Variants in ST6GALNAC3 observed in about 807,000 individuals in gnomAD.
ST6GALNAC3 encodes the protein ST6 N-acetylgalactosaminide alpha-2,6-sialyltransferase 3, also known as alpha-N-acetylgalactosaminide alpha-2,6-sialyltransferase 3.
In ST6GALNAC3, 25 loss-of-function variants were observed where a neutral mutation model predicts 32.7. The ratio of observed to expected loss-of-function variants is 0.76; its 90% confidence interval spans 0.56 to 1.07. ST6GALNAC3 has a LOEUF of 1.07. Among genes scored for constraint, ST6GALNAC3 ranks in the 50% least tolerant of loss-of-function variants. The probability of loss-of-function intolerance (pLI) is 0.00; values close to 1 mark genes in which losing one functional copy is unlikely to be tolerated. For missense variants in ST6GALNAC3, 355 were observed against 382.4 expected, an observed-to-expected ratio of 0.93 and a Z score of 0.60; for synonymous variants, 129 against 133.1, an observed-to-expected ratio of 0.97 and a Z score of 0.21.
intron 3 of ST6GALNAC3, among the ~76,000 whole-genome samples, chr1:76,546,378 C>A (rs552065576): frequency 6.6e-6 from 1 of 152,104 alleles, no homozygotes; most frequent in Non-Finnish European, 1.5e-5. Context: ...AGATGAACCT[C>A]CTAATATGCT....
chr1:76,481,873 C>T (rs1457983976), intron 3 of ST6GALNAC3, among the ~76,000 whole-genome samples: 5 of 152,084 alleles, frequency 3.3e-5, no homozygotes, highest in Admixed American at 3.3e-4. Flanking sequence ...CATAATAGAA[C>T]TCCATACTCT....
At chr1:76,456,693 A>T (rs1269219042) in intron 3 of ST6GALNAC3, among the ~76,000 whole-genome samples, 1 of 152,148 alleles carries the variant, frequency 6.6e-6, no homozygotes, top group Non-Finnish European at 1.5e-5. Flanking sequence ...GGTATTGATG[A>T]GACGTATCTC....
intron 2 of ST6GALNAC3, among the ~76,000 whole-genome samples, chr1:76,325,290 C>T (rs1647046692): frequency 6.6e-6 from 1 of 152,164 alleles, no homozygotes; most frequent in Admixed American, 6.5e-5. Flanking sequence ...AATATTTTGG[C>T]AGAGAAATAG....
intron 3 of ST6GALNAC3, among the ~76,000 whole-genome samples, chr1:76,576,331 T>C (rs1271446202): frequency 1.3e-5 from 2 of 152,006 alleles, no homozygotes; most frequent in African/African-American, 4.8e-5. Context: ...CTGTGGAAAA[T>C]GAAGTGTTTT....
intron 3 of ST6GALNAC3, among the ~76,000 whole-genome samples, chr1:76,573,423 A>G (rs2100507617): frequency 6.6e-6 from 1 of 152,166 alleles, no homozygotes; most frequent in East Asian, 1.9e-4. Flanking sequence ...TTTCTGAGGG[A>G]GCAGGGTCTG....
At chr1:76,121,916 C>T (rs1027745932) in intron 1 of ST6GALNAC3, among the ~76,000 whole-genome samples, 6 of 152,184 alleles carry the variant, frequency 3.9e-5, no homozygotes, top group Non-Finnish European at 1.5e-5. Flanking sequence ...GCCCTCTTGC[C>T]GTTTAACCAT....
At chr1:76,531,151 C>G (rs139100221) in intron 3 of ST6GALNAC3, among the ~76,000 whole-genome samples, 274 of 152,320 alleles carry the variant, frequency 1.8e-3, no homozygotes, top group African/African-American at 6.2e-3. Context: ...CCAGCCTACT[C>G]GTGTCTCCAA....
intron 3 of ST6GALNAC3, among the ~76,000 whole-genome samples, chr1:76,446,219 G>A (rs545484374): frequency 6.6e-6 from 1 of 152,172 alleles, no homozygotes; most frequent in Non-Finnish European, 1.5e-5. Flanking sequence ...AAAACTGAAA[G>A]GAAAGTACAG....
At chr1:76,240,935 A>C (rs1240760956) in intron 1 of ST6GALNAC3, among the ~76,000 whole-genome samples, 7 of 152,224 alleles carry the variant, frequency 4.6e-5, no homozygotes, top group Non-Finnish European at 8.8e-5. Flanking sequence ...ACTAGGTTTA[A>C]GATACTTTTG....
intron 1 of ST6GALNAC3, among the ~76,000 whole-genome samples, chr1:76,134,375 G>T (rs1335906547): frequency 6.6e-6 from 1 of 152,192 alleles, no homozygotes; most frequent in Non-Finnish European, 1.5e-5. Flanking sequence ...ATGAGTAAAT[G>T]CCCTTCACCT....
chr1:76,520,599 ATTAC>A (rs1326285338), intron 3 of ST6GALNAC3, among the ~76,000 whole-genome samples: 1 of 152,046 alleles, frequency 6.6e-6, no homozygotes, highest in Non-Finnish European at 1.5e-5. Context: ...TCTGGAAAAA[ATTAC>A]TTACTTTGGA....
At chr1:76,415,485 T>G (rs1654555567) in intron 3 of ST6GALNAC3, among the ~76,000 whole-genome samples, 1 of 152,146 alleles carries the variant, frequency 6.6e-6, no homozygotes, top group South Asian at 2.1e-4. Flanking sequence ...TCCACTATTA[T>G]TAATATTTAC....
rs748165088 is a variant in ST6GALNAC3, at chr1:76,074,887, A to G, written c.18+3A>G. The G allele has an allele frequency of 1.9e-6, 3 of 1,597,026 alleles. No homozygotes were observed. Among genetic ancestry groups the G allele is most frequent in the Non-Finnish European group, 1.7e-6 (2 of 1,172,274 alleles). ...GCGCCATGGCCTGCATCCTGAAGGT[A>G]ACGACTTGGATCTGTGGCTCGGACG... is the stretch of plus-strand genomic sequence containing the variant. On this transcript the variant is annotated splice_donor_region_variant and intron_variant, in intron 1 of 4. Coordinates refer to ENST00000328299, the MANE Select transcript of ST6GALNAC3 (RefSeq NM_152996.4).
chr1:76,229,655 A>G (rs894579345), intron 1 of ST6GALNAC3, among the ~76,000 whole-genome samples: 11 of 152,108 alleles, frequency 7.2e-5, no homozygotes, highest in Non-Finnish European at 1.5e-4. Flanking sequence ...TTTTAATTTC[A>G]TGGTCTCTGT....
chr1:76,583,512 G>T (rs1382760494), intron 3 of ST6GALNAC3, among the ~76,000 whole-genome samples: 1 of 151,020 alleles, frequency 6.6e-6, no homozygotes, highest in Non-Finnish European at 1.5e-5. Flanking sequence ...CTGTAGGATT[G>T]CCCAACAGTT....
intron 3 of ST6GALNAC3, among the ~76,000 whole-genome samples, chr1:76,515,775 C>T (rs572761280): frequency 6.6e-6 from 1 of 152,236 alleles, no homozygotes; most frequent in South Asian, 2.1e-4. Context: ...TGAAAAGATA[C>T]TTGATATGAT....
chr1:76,225,749 T>C (rs975315184), intron 1 of ST6GALNAC3, among the ~76,000 whole-genome samples: 1 of 152,154 alleles, frequency 6.6e-6, no homozygotes, highest in Non-Finnish European at 1.5e-5. Flanking sequence ...ACAATAGAGA[T>C]GAAATGATGA....
At chr1:76,587,683 G>T (rs563147870) in intron 3 of ST6GALNAC3, among the ~76,000 whole-genome samples, 1 of 152,186 alleles carries the variant, frequency 6.6e-6, no homozygotes, top group Non-Finnish European at 1.5e-5. Flanking sequence ...AAAGCATCCC[G>T]TCAAGTTCTG....
At position 76,257,534 on chromosome 1, in the gene ST6GALNAC3, C is replaced by T. The variant is rs187601123; in HGVS notation, c.19-56271C>T. Among the ~76,000 whole-genome samples the T allele has an allele frequency of 2.6e-5, 4 of 152,206 alleles. No homozygotes were observed. In the East Asian group the frequency reaches 7.7e-4, roughly 29 times the overall value. On this transcript the variant is annotated intron_variant, in intron 1 of 4. Transcript: ENST00000328299. ...TTGAAAAGCACTAAGTTTGGGCAGG[C>T]CTGATTTATTTCAAAGAATTTTCAA...
Sources: gnomAD v4.1 joint callset for allele counts (sites outside exome capture counted in the v4.1 genomes callset) on GRCh38, gnomAD v4.1.1 for gene constraint, MANE v1.5 for transcripts, NCBI Gene and HGNC (gene_info 2026-07-23, HGNC 2026-07-21) for gene names.